The following MARCHF2 variants were observed in gnomAD, a reference collection of about 807,000 sequenced individuals.
MARCHF2 encodes the protein E3 ubiquitin-protein ligase MARCHF2.
MARCHF2 carries 22 observed loss-of-function variants against 24.0 expected under a neutral mutation model. The observed-to-expected ratio is 0.92, with a 90% confidence interval of 0.66 to 1.31. The LOEUF (loss-of-function observed/expected upper bound fraction) is 1.31, where lower values mean the gene tolerates loss of function less well. MARCHF2 is among the 50% of genes most tolerant of loss of function. The pLI, the probability that MARCHF2 is intolerant of heterozygous loss-of-function variation, is 0.00. For missense variants in MARCHF2, 301 were observed against 335.3 expected, an observed-to-expected ratio of 0.90 and a Z score of 0.80; for synonymous variants, 154 against 153.0, an observed-to-expected ratio of 1.01 and a Z score of -0.05.
intron 4 of MARCHF2, among the ~76,000 whole-genome samples, chr19:8,432,189 A>C (rs1016506055): frequency 1.3e-5 from 2 of 151,942 alleles, no homozygotes; most frequent in Non-Finnish European, 2.9e-5. Flanking sequence ...AGAAAAGAAA[A>C]GAAAAATTGA....
intron 3 of MARCHF2, among the ~76,000 whole-genome samples, chr19:8,428,681 A>AAAC: frequency 6.8e-6 from 1 of 146,546 alleles, no homozygotes; most frequent in African/African-American, 2.5e-5. Flanking sequence ...AAAAAAAAAA[A>AAAC]AACCAAGGCT....
At chr19:8,433,818 C>T (rs890397811) in intron 4 of MARCHF2, among the ~76,000 whole-genome samples, 1 of 150,826 alleles carries the variant, frequency 6.6e-6, no homozygotes, top group African/African-American at 2.4e-5. Context: ...GAGCCAAGAT[C>T]GTGCCACTGC....
At chr19:8,436,508 C>A (rs919133759) in intron 4 of MARCHF2, among the ~76,000 whole-genome samples, 1 of 151,998 alleles carries the variant, frequency 6.6e-6, no homozygotes, top group Admixed American at 6.6e-5. Context: ...ATTCATGCCA[C>A]CCTCCTTTTC....
At position 8,416,902 on chromosome 19, in the gene MARCHF2, T is replaced by G. The variant is rs539394556; in HGVS notation, c.-53+3482T>G. On this transcript the variant is annotated intron_variant, in intron 1 of 4. Coordinates refer to ENST00000215555, the MANE Select transcript of MARCHF2 (RefSeq NM_001005415.2). Reference sequence around the variant, plus strand: ...TGTCGAGAAGGCTTCTCCAGGAAGGTGACCTTTGAAGGAGACACTTATAAC... The same window carrying G: ...TGTCGAGAAGGCTTCTCCAGGAAGGGGACCTTTGAAGGAGACACTTATAAC... Among the ~76,000 whole-genome samples the G allele has an allele frequency of 5.9e-5, 9 of 152,236 alleles. No individual in the cohort carries two copies. The East Asian group carries it at 1.7e-3, about 29-fold the overall frequency.
At chr19:8,435,729 A>T (rs1340981025) in intron 4 of MARCHF2, among the ~76,000 whole-genome samples, 1 of 149,444 alleles carries the variant, frequency 6.7e-6, no homozygotes, top group African/African-American at 2.5e-5. Flanking sequence ...TTGTAGAGAC[A>T]GTGTTTTGCT....
At chr19:8,434,570 C>A (rs1967664614) in intron 4 of MARCHF2, among the ~76,000 whole-genome samples, 2 of 151,876 alleles carry the variant, frequency 1.3e-5, no homozygotes, top group Admixed American at 1.3e-4. Context: ...TTGACAGGCA[C>A]TGGGATTTTT....
Position 8,415,745 on chromosome 19 carries a change from A to AAAAAAAAAAAAAAC in MARCHF2, c.-53+2335_-53+2336insAAACAAAAAAAAAA, listed in dbSNP as rs1568233711. ...TCAAAAAAAAAAAAACAAAAAAAAC[A>AAAAAAAAAAAAAAC]AAAAAAAAAACCAGACAAAAGAAAG... On this transcript the variant is annotated intron_variant, in intron 1 of 4. Transcript: ENST00000215555. 2.0e-3 allele frequency among the ~76,000 whole-genome samples: 106 copies of AAAAAAAAAAAAAAC among 53,984 alleles called. 5 individuals carry two copies. The highest frequency in any genetic ancestry group is 2.5e-3 in the Non-Finnish European group (62 of 24,396). 35.4% of individuals were successfully genotyped at this position (53,984 alleles called of 152,430 possible).
intron 2 of MARCHF2, among the ~76,000 whole-genome samples, chr19:8,425,669 T>C (rs1024676145): frequency 6.6e-6 from 1 of 150,432 alleles, no homozygotes; most frequent in Non-Finnish European, 1.5e-5. Flanking sequence ...CAGGCTGGAG[T>C]GCAGTGGTGT....
chr19:8,423,758 G>C (rs922750706), intron 2 of MARCHF2: 11 of 152,190 alleles, frequency 7.2e-5, no homozygotes, highest in African/African-American at 2.7e-4. Context: ...CCAGCACTTT[G>C]GAAGTCCAAG....
chr19:8,429,943 T>C lies in MARCHF2; in HGVS notation c.373-715T>C, dbSNP rs186559949. Among the ~76,000 whole-genome samples, 40 of 151,980 alleles carry C rather than the reference T, an allele frequency of 2.6e-4. 2 individuals are homozygous for C. In the East Asian group the frequency reaches 7.2e-3, roughly 27 times the overall value. ...GTTGGAACCCCAGCTTTGTGGACTA[T>C]GTAGCTGTGTGAGTTTGCTCACTTG... On this transcript the variant is annotated intron_variant, in intron 3 of 4. Coordinates refer to ENST00000215555, the MANE Select transcript of MARCHF2 (RefSeq NM_001005415.2).
rs1207351278 is a variant in MARCHF2, at chr19:8,426,702, T to C, written c.270T>C (p.His90=). Residue 90 remains histidine, a synonymous_variant, in exon 3 of 5, where the codon CAT becomes CAC. Coordinates refer to ENST00000215555, the MANE Select transcript of MARCHF2 (RefSeq NM_001005415.2). ...GCACCGGCACGCTGGGTGCCGTGCA[T>C]AAGAGCTGTCTGGAGAAGTGGCTTT... ...CGCTGTLGAV[H]KSCLEKWLSS... is the part of the protein sequence containing the mutation. 6.2e-7 allele frequency: 1 copy of C among 1,613,646 alleles called. No homozygotes were observed. Among genetic ancestry groups the C allele is most frequent in the Non-Finnish European group, 8.5e-7 (1 of 1,180,006 alleles).
At chr19:8,422,782 G>A in intron 2 of MARCHF2, among the ~76,000 whole-genome samples, 1 of 138,546 alleles carries the variant, frequency 7.2e-6, no homozygotes, top group Non-Finnish European at 1.5e-5. Flanking sequence ...TCGGCTCACT[G>A]CAACCTCCGC....
intron 1 of MARCHF2, among the ~76,000 whole-genome samples, chr19:8,418,168 G>A (rs972351667): frequency 2.6e-5 from 4 of 152,170 alleles, no homozygotes; most frequent in Admixed American, 2.0e-4. Context: ...GAGCCCAGCC[G>A]CTTCCCCTTT....
Position 8,432,894 on chromosome 19 carries a change from C to T in MARCHF2, c.582+2027C>T, listed in dbSNP as rs372558387. 2.1e-4 allele frequency among the ~76,000 whole-genome samples: 32 copies of T among 151,898 alleles called. 2 individuals carry two copies. The highest frequency in any genetic ancestry group is 1.2e-3 in the Admixed American group (19 of 15,206). The stretch of plus-strand genomic sequence containing the variant: ...CATAGCCCATGAGTTCAAGATCAGC[C>T]TGGGCAAGATGGTGAGACCCCATCT... On this transcript the variant is annotated intron_variant, in intron 4 of 4. Coordinates refer to ENST00000215555, the MANE Select transcript of MARCHF2 (RefSeq NM_001005415.2).
At chr19:8,426,230 CAA>C (rs71175854) in intron 2 of MARCHF2, among the ~76,000 whole-genome samples, 2 of 43,310 alleles carry the variant, frequency 4.6e-5, no homozygotes, top group Non-Finnish European at 9.3e-5. Flanking sequence ...GACTCTGTCT[CAA>C]AAAAAAAAAA....
At chr19:8,425,087 A>T (rs1967360794) in intron 2 of MARCHF2, among the ~76,000 whole-genome samples, 1 of 151,886 alleles carries the variant, frequency 6.6e-6, no homozygotes, top group South Asian at 2.1e-4. Flanking sequence ...TTTAAAAAAA[A>T]TTTTGGGACC....
chr19:8,435,233 TG>T (rs1423812877), intron 4 of MARCHF2, among the ~76,000 whole-genome samples: 1 of 152,068 alleles, frequency 6.6e-6, no homozygotes, highest in African/African-American at 2.4e-5. Flanking sequence ...TTGGCCAGGA[TG>T]GTCTCGATTT....
Position 8,430,625 on chromosome 19 carries a change from C to A in MARCHF2, c.373-33C>A. The A allele has an allele frequency of 6.3e-7, 1 of 1,584,238 alleles. No individual in the cohort carries two copies. The highest frequency in any genetic ancestry group is 8.6e-7 in the Non-Finnish European group (1 of 1,163,626). On this transcript the variant is annotated intron_variant, in intron 3 of 4. Transcript: ENST00000215555. This position sits in a 1 kb window ranked among gnomAD's most constrained non-coding sequence, Gnocchi z 4.4. ...CCCCTCAGTAGCCCCTTCTCTGCCC[C>A]CTCTCCTCTGCCCCCTATCCTCTCC...
chr19:8,422,730 A>T (rs1599704886), intron 2 of MARCHF2, among the ~76,000 whole-genome samples: 1 of 104,620 alleles, frequency 9.6e-6, no homozygotes. Context: ...TTTTTTAGAG[A>T]GTCTTGCTTT....
Sources: allele counts gnomAD v4.1 joint callset (sites outside exome capture counted in the v4.1 genomes callset), GRCh38; gene constraint gnomAD v4.1.1; non-coding constraint Gnocchi (gnomAD v3.1); transcripts MANE v1.5; gene names NCBI Gene and HGNC (gene_info 2026-07-23, HGNC 2026-07-21).